Variants in CCDC170 observed in about 807,000 individuals in gnomAD.
CCDC170 encodes coiled-coil domain containing 170, also known as coiled-coil domain-containing protein 170.
In CCDC170, 69 loss-of-function variants were observed where a neutral mutation model predicts 72.6. The ratio of observed to expected loss-of-function variants is 0.95; its 90% CI spans 0.78 to 1.16. The LOEUF is 1.16. CCDC170 is among the 50% of genes most tolerant of loss of function. The pLI, the probability that CCDC170 is intolerant of heterozygous loss-of-function variation, is 0.00. For synonymous variants in CCDC170, 300 were observed against 303.9 expected, an observed-to-expected ratio of 0.99 and a Z score of 0.13; for missense variants, 852 against 832.5, an observed-to-expected ratio of 1.02 and a Z score of -0.29.
chr6:151,554,759 C>T (rs1211244247), intron 5 of CCDC170, among the ~76,000 whole-genome samples: 1 of 151,874 alleles, frequency 6.6e-6, no homozygotes, highest in Non-Finnish European at 1.5e-5. Context: ...AGACACTGCG[C>T]AGAGCGGTTA....
intron 1 of CCDC170, among the ~76,000 whole-genome samples, chr6:151,508,624 A>C (rs1016715784): frequency 1.3e-5 from 2 of 151,268 alleles, no homozygotes; most frequent in Admixed American, 6.6e-5. Flanking sequence ...GAAGCACAAG[A>C]ATTGCTTGAA....
At chr6:151,610,566 A>G (rs964470062) in intron 9 of CCDC170, among the ~76,000 whole-genome samples, 8 of 152,232 alleles carry the variant, frequency 5.3e-5, no homozygotes, top group African/African-American at 1.9e-4. Context: ...TCACTTAAGA[A>G]CAAGGGCATT....
intron 6 of CCDC170, among the ~76,000 whole-genome samples, chr6:151,579,069 T>C (rs1346935668): frequency 1.3e-5 from 2 of 152,216 alleles, no homozygotes; most frequent in African/African-American, 4.8e-5. Flanking sequence ...AATATCTTTT[T>C]TGTTTAAAGG....
chr6:151,546,043 G>T lies in CCDC170; in HGVS notation c.588+1327G>T, dbSNP rs542949614. On this transcript the variant is annotated intron_variant, in intron 4 of 10. Transcript: ENST00000239374. ...TTCTCCCACCTTGGCCTTCCAAAGT[G>T]CTGGGATTACAGGCGTGAGCCATCA... is the stretch of plus-strand genomic sequence containing the variant. 1.5e-4 allele frequency among the ~76,000 whole-genome samples: 23 copies of T among 152,206 alleles called. No individual in the cohort carries two copies. In the South Asian group the frequency reaches 4.8e-3, roughly 32 times the overall value.
chr6:151,600,258 T>C (rs947474913), intron 9 of CCDC170, among the ~76,000 whole-genome samples: 1 of 152,246 alleles, frequency 6.6e-6, no homozygotes, highest in Non-Finnish European at 1.5e-5. Flanking sequence ...TACATTGCCT[T>C]AAGCTTGTCC....
chr6:151,529,561 G>A (rs1202224492), intron 1 of CCDC170, among the ~76,000 whole-genome samples: 1 of 152,170 alleles, frequency 6.6e-6, no homozygotes, highest in East Asian at 1.9e-4. Context: ...GGAGGCTGAG[G>A]CAGGAGAATC....
At chr6:151,578,004 C>G (rs1042838369) in intron 6 of CCDC170, among the ~76,000 whole-genome samples, 4 of 152,142 alleles carry the variant, frequency 2.6e-5, no homozygotes, top group Non-Finnish European at 5.9e-5. Context: ...CCCCCTCCTC[C>G]CCATTCTGAT....
At chr6:151,518,146 C>G (rs148205664) in intron 1 of CCDC170, among the ~76,000 whole-genome samples, 1 of 152,124 alleles carries the variant, frequency 6.6e-6, no homozygotes, top group Non-Finnish European at 1.5e-5. Flanking sequence ...CAACCTTTCT[C>G]CTTTTGACTT....
At chr6:151,598,108 A>C (rs1271381522) in intron 9 of CCDC170, among the ~76,000 whole-genome samples, 1 of 152,156 alleles carries the variant, frequency 6.6e-6, no homozygotes, top group East Asian at 1.9e-4. Context: ...CCCCCCAGAG[A>C]AGGACACATC....
In CCDC170 at chr6:151,541,886, A is replaced by ATAT. The variant is rs1554221612; in HGVS notation, c.444-2685_444-2684insATT. Among the ~76,000 whole-genome samples the ATAT allele has an allele frequency of 4.9e-3, 675 of 137,116 alleles. 8 individuals carry two copies. Among genetic ancestry groups the ATAT allele is most frequent in the African/African-American group, 0.018 (649 of 35,400 alleles). 90.0% of individuals were successfully genotyped at this position (137,116 alleles called of 152,430 possible). On this transcript the variant is annotated intron_variant, in intron 3 of 10. Coordinates refer to ENST00000239374, the MANE Select transcript of CCDC170 (RefSeq NM_025059.4). The stretch of plus-strand genomic sequence containing the variant: ...TATAAATATATATATATATATATAT[A>ATAT]TTTTTTTTTTTAAGACAGAGTCTTG...
At chr6:151,603,052 C>T (rs367552821) in intron 9 of CCDC170, among the ~76,000 whole-genome samples, 14 of 152,132 alleles carry the variant, frequency 9.2e-5, no homozygotes, top group Admixed American at 3.9e-4. Flanking sequence ...CCACCCTCCT[C>T]GGCCTCCTAA....
intron 6 of CCDC170, among the ~76,000 whole-genome samples, chr6:151,579,036 C>T (rs1891001): frequency 3.3e-5 from 5 of 151,362 alleles, no homozygotes; most frequent in African/African-American, 1.2e-4. Context: ...CTTTTTGTTT[C>T]AAAAAAAAAG....
chr6:151,563,234 G>C (rs1776071074), intron 5 of CCDC170, among the ~76,000 whole-genome samples: 1 of 152,194 alleles, frequency 6.6e-6, no homozygotes, highest in African/African-American at 2.4e-5. Flanking sequence ...ACAAAAAAAT[G>C]CTATGTCCAA....
chr6:151,549,552 G>A (rs186275261), intron 5 of CCDC170, among the ~76,000 whole-genome samples: 1 of 152,146 alleles, frequency 6.6e-6, no homozygotes, highest in Admixed American at 6.5e-5. Context: ...CAGCCACCCA[G>A]TTCTCTTCAG....
rs1230447634 is a variant in CCDC170, at chr6:151,548,487, C to G, written c.772C>G (p.Gln258Glu). The change falls in exon 5 of 11, where the codon CAG becomes GAG. Residue 258 changes from glutamine (Q) to glutamate (E), a missense_variant and splice_region_variant. Transcript: ENST00000239374. ...TACTGAAGAGAAAGAGAAGCTGAAC[C>G]AGGTATGATATGTGAAGTATACGTG... ...SCTEEKEKLN[Q>E]DLLSAVEAKE... The G allele has an allele frequency of 1.9e-6, 3 of 1,574,232 alleles. No homozygotes were observed. The African/African-American group carries it at 4.1e-5, about 22-fold the overall frequency.
rs1583056136 is a variant in CCDC170 at position 151,620,137 on chromosome 6, A to G, written c.*1990A>G. ...AATAAGTGATAAAATGGGAAAAAAT[A>G]GTGAAGATCTTCTTTTAGGAAAACT... On this transcript the variant is annotated 3_prime_UTR_variant, in exon 11 of 11. Coordinates refer to ENST00000239374, the MANE Select transcript of CCDC170 (RefSeq NM_025059.4). The G allele has an allele frequency of 6.7e-6, 1 of 149,420 alleles. No individual in the cohort carries two copies. The highest frequency in any genetic ancestry group is 1.5e-5 in the Non-Finnish European group (1 of 67,456). The allele number at this position is 149,420 out of a possible 1,614,324, so 9.3% of individuals were successfully genotyped here.
chr6:151,512,166 T>G (rs997457139), intron 1 of CCDC170, among the ~76,000 whole-genome samples: 20 of 149,466 alleles, frequency 1.3e-4, no homozygotes, highest in African/African-American at 4.5e-4. Context: ...TTTTTTGTTT[T>G]TTTTTTTTTT....
intron 1 of CCDC170, among the ~76,000 whole-genome samples, chr6:151,523,876 T>C (rs934053350): frequency 4.6e-5 from 7 of 152,106 alleles, no homozygotes; most frequent in Non-Finnish European, 1.0e-4. Context: ...TGCACCACAA[T>C]GTATTGGTCT....
intron 9 of CCDC170, among the ~76,000 whole-genome samples, chr6:151,608,642 T>C (rs888210730): frequency 6.6e-6 from 1 of 152,156 alleles, no homozygotes; most frequent in Non-Finnish European, 1.5e-5. Flanking sequence ...GGCTGTGGTG[T>C]GGCTTTGCTG....
Sources: allele counts gnomAD v4.1 joint callset (sites outside exome capture counted in the v4.1 genomes callset), GRCh38; gene constraint gnomAD v4.1.1; transcripts MANE v1.5; gene names NCBI Gene and HGNC (gene_info 2026-07-23, HGNC 2026-07-21).